Variants in KCNQ1 observed in about 807,000 individuals in gnomAD.
KCNQ1 encodes the protein potassium voltage-gated channel subfamily Q member 1.
KCNQ1 carries 49 observed loss-of-function variants against 72.4 expected under a neutral mutation model. That is an observed-to-expected ratio of 0.68 (90% CI 0.54 to 0.86). The LOEUF is 0.86. Ranked by LOEUF, KCNQ1 falls within the 40% of genes least tolerant of loss-of-function variation. The pLI is 0.00. For synonymous variants in KCNQ1, 450 were observed against 412.6 expected, an observed-to-expected ratio of 1.09 and a Z score of -1.10; for missense variants, 790 against 945.1, an observed-to-expected ratio of 0.84 and a Z score of 2.15.
chr11:2,534,268 G>A (rs1033565806), intron 2 of KCNQ1, among the ~76,000 whole-genome samples: 1 of 152,246 alleles, frequency 6.6e-6, no homozygotes, highest in Non-Finnish European at 1.5e-5. Context: ...CCGCAGGCCC[G>A]CAGGTCCTCA....
At chr11:2,845,848 G>C (rs915051486) in intron 15 of KCNQ1, among the ~76,000 whole-genome samples, 1 of 152,038 alleles carries the variant, frequency 6.6e-6, no homozygotes, top group Non-Finnish European at 1.5e-5. Flanking sequence ...TCAGGCAGGC[G>C]CCCCCCTCTC....
At chr11:2,672,034 C>T (rs999002595) in intron 11 of KCNQ1, 12 of 398,538 alleles carry the variant, frequency 3.0e-5, no homozygotes, top group East Asian at 2.1e-4. Context: ...TACCCTGGCC[C>T]GGTCTGCACT....
At position 2,550,307 on chromosome 11, in the gene KCNQ1, C is replaced by T. The variant is rs534307025; in HGVS notation, c.478-20321C>T. Among the ~76,000 whole-genome samples, 2 of 152,274 alleles carry T rather than the reference C, an allele frequency of 1.3e-5. No individual in the cohort carries two copies. Among genetic ancestry groups the T allele is most frequent in the East Asian group, 3.9e-4 (2 of 5,156 alleles). On this transcript the variant is annotated intron_variant, in intron 2 of 15. Coordinates refer to ENST00000155840, the MANE Select transcript of KCNQ1 (RefSeq NM_000218.3). The surrounding 1 kb of genome is among the most constrained non-coding windows in gnomAD (Gnocchi z 6.0). Reference sequence around the variant, plus strand: ...AGCCGTGGCGCGGCGCCTGGATTTCCGACACACTGCAGCATCTGCATCCTT... The same window carrying T: ...AGCCGTGGCGCGGCGCCTGGATTTCTGACACACTGCAGCATCTGCATCCTT...
chr11:2,812,831 G>A (rs1354389797), intron 15 of KCNQ1, among the ~76,000 whole-genome samples: 2 of 152,218 alleles, frequency 1.3e-5, no homozygotes, highest in African/African-American at 4.8e-5. Flanking sequence ...CCTCCTGGGG[G>A]CTTCCGCCTC....
Position 2,679,064 on chromosome 11 carries a change from A to T in KCNQ1, c.1514+16983A>T. On this transcript the variant is annotated intron_variant, in intron 11 of 15. Transcript: ENST00000155840. This position sits in a 1 kb window ranked among gnomAD's most constrained non-coding sequence, Gnocchi z 4.8. ...CTCCTCCATACCAACCACCAAAAAA[A>T]CCCACTAACACCATAAAGTGTCATA... The T allele has an allele frequency of 7.5e-6, 3 of 398,650 alleles. No individual in the cohort carries two copies. The highest frequency in any genetic ancestry group is 1.3e-5 in the Non-Finnish European group (3 of 226,078). 24.7% of individuals were successfully genotyped at this position (398,650 alleles called of 1,614,324 possible). A position where few individuals can be genotyped will look rare whatever the true frequency, so the allele number is the denominator to read the frequency against.
At chr11:2,610,949 C>A in intron 10 of KCNQ1, 2 of 398,232 alleles carry the variant, frequency 5.0e-6, no homozygotes, top group South Asian at 2.5e-4. Context: ...ATTGATAGAA[C>A]AACAAGACAG....
rs1212795948 is a variant in KCNQ1, at chr11:2,621,537, A to G, written c.1393+32683A>G. On this transcript the variant is annotated intron_variant, in intron 10 of 15. Transcript: ENST00000155840. The surrounding 1 kb of genome is among the most constrained non-coding windows in gnomAD (Gnocchi z 5.7). ...TTGATAATTTCTTTTGCTATGCAGA[A>G]GCTCTTTAGTTTACCACTGTGATCT... 2.5e-6 allele frequency: 1 copy of G among 398,384 alleles called. No homozygotes were observed. The highest frequency in any genetic ancestry group is 4.4e-6 in the Non-Finnish European group (1 of 226,034). The allele number at this position is 398,384 out of a possible 1,614,324, so 24.7% of individuals were successfully genotyped here. A position where few individuals can be genotyped will look rare whatever the true frequency, so the allele number is the denominator to read the frequency against.
chr11:2,763,479 T>C (rs1354290657), intron 11 of KCNQ1, among the ~76,000 whole-genome samples: 1 of 152,180 alleles, frequency 6.6e-6, no homozygotes, highest in African/African-American at 2.4e-5. Context: ...CAAAAAACTT[T>C]TTTGAAAGAT....
At chr11:2,791,506 A>T (rs1202103645) in intron 15 of KCNQ1, among the ~76,000 whole-genome samples, 2 of 152,052 alleles carry the variant, frequency 1.3e-5, no homozygotes, top group African/African-American at 2.4e-5. Flanking sequence ...CTTGGTCACC[A>T]TCAAAAATAG....
rs1590012815 is a variant in KCNQ1, at chr11:2,659,711, C to T, written c.1394-2250C>T. On this transcript the variant is annotated intron_variant, in intron 10 of 15. Transcript: ENST00000155840. The surrounding 1 kb of genome is among the most constrained non-coding windows in gnomAD (Gnocchi z 4.3). ...GTCACTGTGCCATTTTGCATTCCCA[C>T]CAGTAACATATGAGAGTTCTACATG... is the stretch of plus-strand genomic sequence containing the variant. 1 of 398,440 alleles carries T rather than the reference C, an allele frequency of 2.5e-6. No individual in the cohort carries two copies. Among genetic ancestry groups the T allele is most frequent in the East Asian group, 3.6e-5 (1 of 28,044 alleles). The allele number at this position is 398,440 out of a possible 1,614,324, so 24.7% of individuals were successfully genotyped here.
chr11:2,609,286 ATTT>A (rs1240374337), intron 10 of KCNQ1: 2 of 398,302 alleles, frequency 5.0e-6, no homozygotes, highest in East Asian at 7.1e-5. Context: ...CCCATTGATT[ATTT>A]AAGAATGTAG....
chr11:2,801,665 C>A (rs1220114444), intron 15 of KCNQ1, among the ~76,000 whole-genome samples: 1 of 152,230 alleles, frequency 6.6e-6, no homozygotes, highest in Non-Finnish European at 1.5e-5. Flanking sequence ...ATTAGGGCTT[C>A]AACATGTGAA....
intron 10 of KCNQ1, chr11:2,628,123 T>C: frequency 2.5e-6 from 1 of 398,642 alleles, no homozygotes; most frequent in Non-Finnish European, 4.4e-6. Flanking sequence ...CTCTTCAAGA[T>C]ACTGACTTTG....
chr11:2,590,546 G>T (rs1286970637), intron 10 of KCNQ1, among the ~76,000 whole-genome samples: 1 of 152,228 alleles, frequency 6.6e-6, no homozygotes, highest in Non-Finnish European at 1.5e-5. Flanking sequence ...TCCAGGTGGT[G>T]GGGGGAGCAC....
intron 15 of KCNQ1, among the ~76,000 whole-genome samples, chr11:2,806,563 G>A (rs370525365): frequency 1.1e-3 from 171 of 152,298 alleles, no homozygotes; most frequent in African/African-American, 3.5e-3. Context: ...TAACCTGTCT[G>A]TGCTCCCCAC....
chr11:2,480,633 A>G (rs752139929), intron 1 of KCNQ1, among the ~76,000 whole-genome samples: 2 of 152,196 alleles, frequency 1.3e-5, no homozygotes, highest in African/African-American at 2.4e-5. Context: ...GGACACAGCC[A>G]AACCATATCA....
chr11:2,506,653 G>A (rs891608179), intron 1 of KCNQ1, among the ~76,000 whole-genome samples: 2 of 152,226 alleles, frequency 1.3e-5, no homozygotes, highest in Admixed American at 6.5e-5. Flanking sequence ...AGAGAAGCCC[G>A]TAGTTTTGTT....
chr11:2,830,147 T>G lies in KCNQ1; in HGVS notation c.1795-17620T>G, dbSNP rs931535388. Reference sequence around the variant, plus strand: ...CCACCCTGGCTGGGAACAGCAGGTGTGTGGTGAAGGGGAAAGACCAGCAGG... The same window carrying G: ...CCACCCTGGCTGGGAACAGCAGGTGGGTGGTGAAGGGGAAAGACCAGCAGG... On this transcript the variant is annotated intron_variant, in intron 15 of 15. Transcript: ENST00000155840. The surrounding 1 kb of genome is among the most constrained non-coding windows in gnomAD (Gnocchi z 7.7). Among the ~76,000 whole-genome samples the G allele has an allele frequency of 6.6e-6, 1 of 151,646 alleles. No individual in the cohort carries two copies. Among genetic ancestry groups the G allele is most frequent in the African/African-American group, 2.4e-5 (1 of 41,224 alleles).
rs1847953980 is a variant in KCNQ1 at position 2,549,734 on chromosome 11, G to T, written c.478-20894G>T. ...GGCTCCCCAGGCCTGGTGTGGGGGT[G>T]CCTGGGGGGCAGTGGACGTGAGCAG... is the stretch of plus-strand genomic sequence containing the variant. On this transcript the variant is annotated intron_variant, in intron 2 of 15. Transcript: ENST00000155840. This position sits in a 1 kb window ranked among gnomAD's most constrained non-coding sequence, Gnocchi z 6.2. Among the ~76,000 whole-genome samples, 2 of 152,180 alleles carry T rather than the reference G, an allele frequency of 1.3e-5. No individual in the cohort carries two copies. Among genetic ancestry groups the T allele is most frequent in the African/African-American group, 2.4e-5 (1 of 41,544 alleles).
Sources: allele counts gnomAD v4.1 joint callset (sites outside exome capture counted in the v4.1 genomes callset), GRCh38; gene constraint gnomAD v4.1.1; non-coding constraint Gnocchi (gnomAD v3.1); transcripts MANE v1.5; gene names NCBI Gene and HGNC (gene_info 2026-07-23, HGNC 2026-07-21).